EXTL3: variants seen among roughly 807,000 people sequenced by gnomAD.
The protein encoded by EXTL3 is exostosin-like 3.
EXTL3 carries 27 observed loss-of-function variants against 69.3 expected under a neutral mutation model. The observed-to-expected ratio is 0.39, with a 90% CI of 0.29 to 0.54. EXTL3 has a LOEUF of 0.54. EXTL3 is among the 20% of genes least tolerant of loss of function. The pLI, the probability that EXTL3 is intolerant of heterozygous loss-of-function variation, is 0.69. For missense variants in EXTL3, 1,003 were observed against 1,231.8 expected (o/e 0.81, Z 2.78); for synonymous variants, 511 against 499.4 (o/e 1.02, Z -0.31).
At chr8:28,727,878 C>T (rs1042423389) in intron 3 of EXTL3, among the ~76,000 whole-genome samples, 5 of 152,188 alleles carry the variant, frequency 3.3e-5, no homozygotes, top group Non-Finnish European at 5.9e-5. Flanking sequence ...TGCTGGTCTT[C>T]GCCTCACACT....
At chr8:28,612,376 C>A (rs566122322) in intron 2 of EXTL3, among the ~76,000 whole-genome samples, 6 of 151,856 alleles carry the variant, frequency 4.0e-5, no homozygotes, top group Admixed American at 3.3e-4. Context: ...ATCGCTTGAA[C>A]CTGGGAGGCA....
intron 1 of EXTL3, among the ~76,000 whole-genome samples, chr8:28,684,665 C>T (rs1276932871): frequency 6.6e-6 from 1 of 152,024 alleles, no homozygotes; most frequent in Non-Finnish European, 1.5e-5. Context: ...TCACTTGAAC[C>T]GAGGAATTTG....
At chr8:28,687,817 C>G (rs918974818) in intron 1 of EXTL3, among the ~76,000 whole-genome samples, 7 of 152,142 alleles carry the variant, frequency 4.6e-5, no homozygotes, top group African/African-American at 7.2e-5. Context: ...TGGACCATTT[C>G]AAGAAGGTGA....
chr8:28,698,934 A>G (rs957993619), upstream of EXTL3, among the ~76,000 whole-genome samples: 8 of 152,214 alleles, frequency 5.3e-5, no homozygotes, highest in African/African-American at 1.9e-4. Context: ...CAGAGTTTGC[A>G]GAGAGTCGAG....
At chr8:28,710,838 G>C (rs1011358590) in intron 1 of EXTL3, among the ~76,000 whole-genome samples, 4 of 151,932 alleles carry the variant, frequency 2.6e-5, no homozygotes, top group Non-Finnish European at 5.9e-5. Flanking sequence ...CGCCTGGCTT[G>C]TGGTATTCTT....
chr8:28,702,774 C>G (rs1265793804), intron 1 of EXTL3, among the ~76,000 whole-genome samples: 1 of 152,066 alleles, frequency 6.6e-6, no homozygotes, highest in East Asian at 1.9e-4. Context: ...TATTCTTTGT[C>G]CAATTTAGGT....
At chr8:28,662,985 A>G (rs1217466467) in intron 1 of EXTL3, among the ~76,000 whole-genome samples, 3 of 152,148 alleles carry the variant, frequency 2.0e-5, no homozygotes, top group Non-Finnish European at 4.4e-5. Context: ...ATAGAAATGG[A>G]AATAATTGTA....
At chr8:28,665,107 T>G (rs1376765460) in intron 1 of EXTL3, among the ~76,000 whole-genome samples, 3 of 137,642 alleles carry the variant, frequency 2.2e-5, no homozygotes, top group African/African-American at 8.0e-5. Flanking sequence ...TATCTCACTC[T>G]ATCGCCCAGA....
Position 28,717,720 on chromosome 8 carries a change from C to G in EXTL3, c.1661C>G (p.Pro554Arg). 1 of 1,614,260 alleles carries G rather than the reference C, an allele frequency of 6.2e-7. No homozygotes were observed. Residue 554 changes from proline to arginine, a missense_variant, in exon 3 of 7, where the codon CCC becomes CGC. By Grantham distance (103) the Pro-to-Arg change is moderately radical (BLOSUM62 -2). Around this residue, in one of 2 missense-constraint regions of EXTL3, gnomAD observed 742 missense variants for 815.4 expected, o/e 0.91. Transcript: ENST00000220562. The surrounding 1 kb of genome is among the most constrained non-coding windows in gnomAD (Gnocchi z 8.3). ...CGGGAAGAGGCGGCAGCTGAGATCC[C>G]CCACCGTTCAGGCAAGGCGGCTGGA... ...PIREEAAAEI[P>R]HRSGKAAGTD...
intron 1 of EXTL3, among the ~76,000 whole-genome samples, chr8:28,692,574 T>C (rs1432315200): frequency 6.6e-6 from 1 of 152,234 alleles, no homozygotes; most frequent in African/African-American, 2.4e-5. Flanking sequence ...CAAATGTTAT[T>C]ATCAAGTTAT....
At chr8:28,640,507 A>G (rs1223952013) in intron 1 of EXTL3, among the ~76,000 whole-genome samples, 1 of 152,250 alleles carries the variant, frequency 6.6e-6, no homozygotes, top group East Asian at 1.9e-4. Context: ...TTATGGTTGC[A>G]TAATTAGATC....
intron 1 of EXTL3, among the ~76,000 whole-genome samples, chr8:28,639,678 T>C (rs1373753405): frequency 6.6e-6 from 1 of 152,238 alleles, no homozygotes; most frequent in Non-Finnish European, 1.5e-5. Context: ...TCCTGACAGC[T>C]GCTTTTTGGG....
At chr8:28,755,932 C>G (rs1802114996), downstream of EXTL3, among the ~76,000 whole-genome samples, 1 of 152,194 alleles carries the variant, frequency 6.6e-6, no homozygotes, top group African/African-American at 2.4e-5. Context: ...AGCGTCCCAT[C>G]TACCCATGCC....
chr8:28,619,990 C>A (rs1006773870), upstream of EXTL3, among the ~76,000 whole-genome samples: 3 of 150,884 alleles, frequency 2.0e-5, no homozygotes, highest in Admixed American at 2.0e-4. Context: ...CCTGCCTCAA[C>A]CTCCCGAGTA....
At position 28,750,734 on chromosome 8, in the gene EXTL3, G is replaced by A. The variant is rs755382023; in HGVS notation, c.2628G>A (p.Arg876=). 1.2e-6 allele frequency: 2 copies of A among 1,614,170 alleles called. No individual in the cohort carries two copies. Among genetic ancestry groups the A allele is most frequent in the Non-Finnish European group, 1.7e-6 (2 of 1,180,028 alleles). ...LSHDDSHFHE[R]HKCINFFVKV... ...ATGATGACTCCCACTTCCACGAGCG[G>A]CACAAGTGCATCAACTTCTTCGTGA... is the stretch of plus-strand genomic sequence containing the variant. The change falls in exon 7 of 7, where the codon CGG becomes CGA. Residue 876 remains arginine (R), a synonymous_variant. Coordinates refer to ENST00000220562, the MANE Select transcript of EXTL3 (RefSeq NM_001440.4). The surrounding 1 kb of genome is among the most constrained non-coding windows in gnomAD (Gnocchi z 5.2).
In EXTL3 at chr8:28,706,280, T is replaced by G. The variant is rs140820121; in HGVS notation, c.-570+4621T>G. Among the ~76,000 whole-genome samples the G allele has an allele frequency of 9.6e-4, 146 of 152,280 alleles. No individual in the cohort carries two copies. In the East Asian group the frequency reaches 0.027, roughly 28 times the overall value. On this transcript the variant is annotated intron_variant, in intron 1 of 6. Coordinates refer to ENST00000220562, the MANE Select transcript of EXTL3 (RefSeq NM_001440.4). Reference sequence around the variant, plus strand: ...ATCAGAGATAAGAAAATTTTGAAGGTTTTTTTCTTACAAATGGCAAATTAC... The same window carrying G: ...ATCAGAGATAAGAAAATTTTGAAGGGTTTTTTCTTACAAATGGCAAATTAC...
At chr8:28,709,681 T>A (rs907254640) in intron 1 of EXTL3, among the ~76,000 whole-genome samples, 7 of 152,210 alleles carry the variant, frequency 4.6e-5, no homozygotes, top group Non-Finnish European at 8.8e-5. Flanking sequence ...TATCAGTGTT[T>A]TAGTTTTACA....
intron 2 of EXTL3, 72 bp downstream of exon 2, chr8:28,713,622 CT>C: frequency 1.5e-6 from 1 of 684,982 alleles, no homozygotes; most frequent in Non-Finnish European, 2.6e-6. Context: ...TCTGTTGTTT[CT>C]TTGTTACAAT....
intron 1 of EXTL3, among the ~76,000 whole-genome samples, chr8:28,627,596 C>G (rs1011743913): frequency 1.3e-5 from 2 of 151,926 alleles, no homozygotes; most frequent in African/African-American, 4.8e-5. Flanking sequence ...GATTTAAAGC[C>G]AAAAGAATTG....
Sources: allele counts gnomAD v4.1 joint callset (sites outside exome capture counted in the v4.1 genomes callset), GRCh38; gene constraint gnomAD v4.1.1; regional missense constraint gnomAD v4.1.1; non-coding constraint Gnocchi (gnomAD v3.1); transcripts MANE v1.5; gene names NCBI Gene and HGNC (gene_info 2026-07-23, HGNC 2026-07-21).